The following COL14A1 variants were observed in gnomAD, a reference collection of about 807,000 sequenced individuals.
COL14A1 encodes the protein collagen alpha-1(XIV) chain.
A neutral mutation model predicts 230.3 loss-of-function variants in COL14A1; 136 were observed. The ratio of observed to expected loss-of-function variants is 0.59; its 90% CI spans 0.51 to 0.68. The LOEUF (loss-of-function observed/expected upper bound fraction) is 0.68. COL14A1 is among the 30% of genes least tolerant of loss of function. The pLI is 0.00. For missense variants in COL14A1, 1,976 were observed against 2,215.8 expected, an observed-to-expected ratio of 0.89 and a Z score of 2.17; for synonymous variants, 792 against 784.1, an observed-to-expected ratio of 1.01 and a Z score of -0.17.
In COL14A1 at chr8:120,177,610, C is replaced by T. The variant is rs540603156; in HGVS notation, c.436+9363C>T. ...GTTGCAGTGAGCTGAGATCGTGCCACTGCACTCCAGTCTGGGTGACAGAGC... is the reference window on the plus strand; with the variant it reads ...GTTGCAGTGAGCTGAGATCGTGCCATTGCACTCCAGTCTGGGTGACAGAGC... On this transcript the variant is annotated intron_variant, in intron 5 of 47. Transcript: ENST00000297848. Among the ~76,000 whole-genome samples the T allele has an allele frequency of 4.0e-3, 558 of 139,156 alleles. 3 individuals are homozygous for T. The highest frequency in any genetic ancestry group is 0.014 in the African/African-American group (529 of 37,074). The allele number at this position is 139,156 out of a possible 152,430, so 91.3% of individuals were successfully genotyped here.
chr8:120,300,701 T>C (rs1217312154), intron 35 of COL14A1, 31 bp from the exon 36 acceptor site: 1 of 1,552,226 alleles, frequency 6.4e-7, no homozygotes, highest in Admixed American at 1.7e-5. Flanking sequence ...ACTGGCATGC[T>C]AATGGTTGTG....
intron 19 of COL14A1, among the ~76,000 whole-genome samples, chr8:120,234,314 T>C (rs1818371630): frequency 6.6e-6 from 1 of 152,208 alleles, no homozygotes; most frequent in Non-Finnish European, 1.5e-5. Context: ...CACTTTCTCT[T>C]GCCTGATTGC....
At chr8:120,188,239 T>C (rs903795164) in intron 5 of COL14A1, among the ~76,000 whole-genome samples, 31 of 152,150 alleles carry the variant, frequency 2.0e-4, no homozygotes, top group Middle Eastern at 3.4e-3. Context: ...CCCACTATCA[T>C]GCCCAGCTAA....
Position 120,231,616 on chromosome 8 carries a change from A to G in COL14A1, c.2347A>G (p.Thr783Ala), listed in dbSNP as rs1818270257. The G allele has an allele frequency of 1.2e-6, 2 of 1,613,364 alleles. No homozygotes were observed. Among genetic ancestry groups the G allele is most frequent in the East Asian group, 2.2e-5 (1 of 44,840 alleles). The stretch of plus-strand genomic sequence containing the variant: ...GGACCCTGAGGAAGAAGTCATAGGA[A>G]CGGTCTGTATAAATTCAACTGACTA... ...QGDPEEEVIG[T>A]VMVPGSQNNL... is the part of the protein sequence containing the mutation. Residue 783 changes from threonine (T) to alanine (A), a missense_variant and splice_region_variant, in exon 19 of 48, where the codon ACG becomes GCG. Physicochemically the swap from Thr to Ala is moderately conservative, Grantham distance 58 (BLOSUM62 0). This residue lies in a region of COL14A1 where 1,791 missense variants were observed against 2,019.5 expected (regional missense o/e 0.89). Transcript: ENST00000297848.
At chr8:120,140,662 G>A (rs1814875905) in intron 1 of COL14A1, among the ~76,000 whole-genome samples, 1 of 152,202 alleles carries the variant, frequency 6.6e-6, no homozygotes, top group African/African-American at 2.4e-5. Context: ...GTGAGTGTGT[G>A]TGGTTTACGA....
chr8:120,148,611 T>A (rs1447023480), intron 2 of COL14A1, among the ~76,000 whole-genome samples: 1 of 152,244 alleles, frequency 6.6e-6, no homozygotes, highest in Non-Finnish European at 1.5e-5. Flanking sequence ...ATCCTAATCA[T>A]GTCTTGTCTC....
intron 34 of COL14A1, among the ~76,000 whole-genome samples, chr8:120,292,904 G>T (rs777775680): frequency 7.2e-5 from 11 of 151,994 alleles, no homozygotes; most frequent in Non-Finnish European, 1.2e-4. Flanking sequence ...TAGAAATTAC[G>T]TTCTTAATAA....
intron 25 of COL14A1, among the ~76,000 whole-genome samples, chr8:120,267,991 A>C (rs1424265978): frequency 1.3e-5 from 2 of 151,824 alleles, no homozygotes; most frequent in Non-Finnish European, 2.9e-5. Flanking sequence ...GGAAACAATA[A>C]AAAATAAGTT....
chr8:120,210,585 C>T (rs982929247), intron 12 of COL14A1, among the ~76,000 whole-genome samples: 2 of 152,122 alleles, frequency 1.3e-5, no homozygotes, highest in Non-Finnish European at 2.9e-5. Context: ...AACCTTTGAC[C>T]TTCAGATGAC....
At position 120,283,686 on chromosome 8, in the gene COL14A1, T is replaced by C; in HGVS notation, c.3875T>C (p.Phe1292Ser). 1 of 1,613,882 alleles carries C rather than the reference T, an allele frequency of 6.2e-7. No homozygotes were observed. The highest frequency in any genetic ancestry group is 1.1e-5 in the South Asian group (1 of 91,034). The change falls in exon 32 of 48, where the codon TTC becomes TCC. Residue 1292 changes from phenylalanine to serine, a missense_variant. Physicochemically the swap from Phe to Ser is radical, Grantham distance 155 (BLOSUM62 -2). Transcript: ENST00000297848. ...LPSDYTISFLFRILPDTPQEP... is the reference protein window; with the variant it reads ...LPSDYTISFLSRILPDTPQEP... ...TCCGACTACACAATCAGTTTTCTAT[T>C]CCGGATTCTTCCTGACACTCCACAG...
chr8:120,208,303 A>C lies in COL14A1; in HGVS notation c.1263A>C (p.Ala421=), dbSNP rs79462072. The part of the protein sequence containing the change: ...NLMSLTEYQI[A]VFAIYAHTAS... Reference sequence around the variant, plus strand: ...TGTCTTTAACTGAATATCAGATAGCAGTCTTTGCAATCTATGCCCACACTG... The same window carrying C: ...TGTCTTTAACTGAATATCAGATAGCCGTCTTTGCAATCTATGCCCACACTG... The change falls in exon 11 of 48, where the codon GCA becomes GCC. Residue 421 remains alanine, a synonymous_variant. Transcript: ENST00000297848. 9.4e-5 allele frequency: 151 copies of C among 1,613,818 alleles called. No homozygotes were observed. In the African/African-American group the frequency reaches 1.7e-3, roughly 19 times the overall value.
At chr8:120,364,437 T>C (rs1384723620) in intron 45 of COL14A1, among the ~76,000 whole-genome samples, 1 of 152,236 alleles carries the variant, frequency 6.6e-6, no homozygotes, top group Non-Finnish European at 1.5e-5. Flanking sequence ...ATACTGATTT[T>C]TAACAAGGTT....
At chr8:120,170,841 C>T (rs1816073086) in intron 5 of COL14A1, among the ~76,000 whole-genome samples, 1 of 151,944 alleles carries the variant, frequency 6.6e-6, no homozygotes, top group Non-Finnish European at 1.5e-5. Context: ...TTAGTACTCA[C>T]ATAATGCATT....
chr8:120,131,013 T>A (rs758143328), intron 1 of COL14A1, among the ~76,000 whole-genome samples: 9 of 152,226 alleles, frequency 5.9e-5, no homozygotes, highest in Non-Finnish European at 1.2e-4. Flanking sequence ...GATAATGGCC[T>A]CCAGCTGCAT....
rs200305716 is a variant in COL14A1 at position 120,285,806 on chromosome 8, AC to A, written c.3968-54del. The A allele has an allele frequency of 2.4e-4, 287 of 1,190,666 alleles. No homozygotes were observed. The African/African-American group carries it at 4.1e-3, about 17-fold the overall frequency. 73.8% of individuals were successfully genotyped at this position (1,190,666 alleles called of 1,614,324 possible). A position where few individuals can be genotyped will look rare whatever the true frequency, so the allele number is the denominator to read the frequency against. On this transcript the variant is annotated intron_variant, in intron 32 of 47. Coordinates refer to ENST00000297848, the MANE Select transcript of COL14A1 (RefSeq NM_021110.4). ...TTTGTTTTGAGTTGAATTTTAGAAA[AC>A]AAAATTCACCTACTTTAATTATTTC...
chr8:120,247,209 G>T (rs1250532543), intron 20 of COL14A1, among the ~76,000 whole-genome samples: 2 of 152,182 alleles, frequency 1.3e-5, no homozygotes, highest in Non-Finnish European at 2.9e-5. Context: ...GGATCACAAG[G>T]TCAGGAGATC....
chr8:120,144,246 G>A (rs1815014595), intron 1 of COL14A1, among the ~76,000 whole-genome samples: 1 of 152,040 alleles, frequency 6.6e-6, no homozygotes, highest in Non-Finnish European at 1.5e-5. Context: ...ATTATTAACG[G>A]AATCTTATTT....
At chr8:120,331,558 G>A (rs1341964351) in intron 40 of COL14A1, among the ~76,000 whole-genome samples, 1 of 152,116 alleles carries the variant, frequency 6.6e-6, no homozygotes, top group Non-Finnish European at 1.5e-5. Flanking sequence ...CTTGCTTTCT[G>A]CCTTAAATCC....
rs753453496 is a variant in COL14A1, at chr8:120,270,082, T to C, written c.3121T>C (p.Trp1041Arg). Residue 1041 changes from tryptophan (W) to arginine (R), a missense_variant, in exon 26 of 48, where the codon TGG becomes CGG. Around this residue, in one of 3 missense-constraint regions of COL14A1, gnomAD observed 1,791 missense variants for 2,019.5 expected, o/e 0.89. Transcript: ENST00000297848. ...ADLVFMVDGS[W>R]SIGDENFNKI... ...CCTGGTATTTATGGTGGATGGATCC[T>C]GGAGCATTGGAGATGAAAATTTCAA... 6.2e-7 allele frequency: 1 copy of C among 1,611,608 alleles called. No individual in the cohort carries two copies. The highest frequency in any genetic ancestry group is 8.5e-7 in the Non-Finnish European group (1 of 1,178,402).
Sources: allele counts gnomAD v4.1 joint callset (sites outside exome capture counted in the v4.1 genomes callset), GRCh38; gene constraint gnomAD v4.1.1; regional missense constraint gnomAD v4.1.1; transcripts MANE v1.5; gene names NCBI Gene and HGNC (gene_info 2026-07-23, HGNC 2026-07-21).